Variants in SYNE2 observed in about 807,000 individuals in gnomAD.
The protein encoded by SYNE2 is spectrin repeat containing nuclear envelope protein 2.
In SYNE2, 431 loss-of-function variants were observed where a neutral mutation model predicts 856.3. That is an observed-to-expected ratio of 0.50 (90% CI 0.47 to 0.55). SYNE2 has a LOEUF of 0.55. SYNE2 is among the 20% of genes least tolerant of loss of function. SYNE2 has a pLI of 0.00. For missense variants in SYNE2, 8,129 were observed against 8,023.2 expected (o/e 1.01, Z -0.50); for synonymous variants, 2,923 against 2,872.3 (o/e 1.02, Z -0.56).
intron 1 of SYNE2, among the ~76,000 whole-genome samples, chr14:63,771,170 C>T (rs939291829): frequency 3.3e-5 from 5 of 150,680 alleles, no homozygotes; most frequent in East Asian, 2.0e-4. Context: ...CCCGGGTTCA[C>T]GCCATTCTCC....
chr14:64,104,576 A>C (rs533578225), intron 64 of SYNE2, among the ~76,000 whole-genome samples: 1 of 150,716 alleles, frequency 6.6e-6, no homozygotes, highest in South Asian at 2.1e-4. Flanking sequence ...CAGCCTCCCG[A>C]GCAGCTGGGA....
At position 64,022,740 on chromosome 14, in the gene SYNE2, TC is replaced by T. The variant is rs749813131; in HGVS notation, c.5525-6del. On this transcript the variant is annotated splice_polypyrimidine_tract_variant and intron_variant, in intron 37 of 115. Coordinates refer to ENST00000555002, the MANE Select transcript of SYNE2 (RefSeq NM_182914.3). ...CCTTGAATGAATAGAGCTTTTTTTT[TC>T]CCCCTGCAGATCAATGCAAGAACTT... is the stretch of plus-strand genomic sequence containing the variant. The T allele has an allele frequency of 2.8e-6, 4 of 1,403,710 alleles. No homozygotes were observed. The highest frequency in any genetic ancestry group is 4.0e-6 in the Non-Finnish European group (4 of 992,364). 87.0% of individuals were successfully genotyped at this position (1,403,710 alleles called of 1,614,324 possible).
chr14:63,984,420 C>T (rs759863678), intron 18 of SYNE2, among the ~76,000 whole-genome samples: 10 of 152,148 alleles, frequency 6.6e-5, no homozygotes, highest in Non-Finnish European at 1.3e-4. Context: ...CAGAGCAGTC[C>T]TGATTCTGAG....
intron 99 of SYNE2, among the ~76,000 whole-genome samples, chr14:64,191,602 G>A (rs1220710484): frequency 2.6e-5 from 4 of 152,194 alleles, no homozygotes; most frequent in Non-Finnish European, 4.4e-5. Context: ...ATGGGCTGGG[G>A]CTAAATCTTA....
intron 101 of SYNE2, 163 bp from the exon 102 acceptor site, chr14:64,209,265 C>A: frequency 8.1e-7 from 1 of 1,231,518 alleles, no homozygotes. Flanking sequence ...GCTTGGCGCT[C>A]CCAGGCAGGA....
chr14:63,820,703 T>G (rs1329023892), intron 1 of SYNE2, among the ~76,000 whole-genome samples: 1 of 152,110 alleles, frequency 6.6e-6, no homozygotes, highest in Admixed American at 6.6e-5. Context: ...AGTGCTTGTT[T>G]TGGGATGGAT....
rs2098309922 is a variant in SYNE2, at chr14:64,159,223, T to C, written c.15964-89T>C. Reference sequence around the variant, plus strand: ...AGCTGTAAGATTTGAGTGTTATTGCTACATAGTAGCAAGTGTTGAGAAGCT... The same window carrying C: ...AGCTGTAAGATTTGAGTGTTATTGCCACATAGTAGCAAGTGTTGAGAAGCT... On this transcript the variant is annotated intron_variant, in intron 86 of 115. Coordinates refer to ENST00000555002, the MANE Select transcript of SYNE2 (RefSeq NM_182914.3). 1.8e-5 allele frequency: 28 copies of C among 1,542,346 alleles called. No individual in the cohort carries two copies. The East Asian group carries it at 6.3e-4, about 35-fold the overall frequency.
At chr14:64,107,742 G>A in intron 65 of SYNE2, 135 bp downstream of exon 65, 1 of 791,888 alleles carries the variant, frequency 1.3e-6, no homozygotes, top group South Asian at 1.4e-5. Context: ...ATGAAGATAT[G>A]TGCTGTCAAG....
At chr14:64,046,944 T>C (rs1056995107) in intron 45 of SYNE2, among the ~76,000 whole-genome samples, 3 of 152,248 alleles carry the variant, frequency 2.0e-5, no homozygotes, top group African/African-American at 4.8e-5. Flanking sequence ...CCTTTAGTTC[T>C]GCTGTCTGCA....
intron 60 of SYNE2, 48 bp from the exon 61 acceptor site, chr14:64,093,301 C>G: frequency 6.2e-7 from 1 of 1,607,154 alleles, no homozygotes. Flanking sequence ...GTCCATTAAT[C>G]TGCTTAGATT....
intron 100 of SYNE2, among the ~76,000 whole-genome samples, chr14:64,206,617 C>T (rs2098606647): frequency 6.7e-6 from 1 of 148,934 alleles, no homozygotes; most frequent in African/African-American, 2.5e-5. Context: ...TTGTAGAGTT[C>T]ATTTCTTACG....
At chr14:64,217,515 GTCC>G (rs2098672116) in intron 108 of SYNE2, among the ~76,000 whole-genome samples, 1 of 152,192 alleles carries the variant, frequency 6.6e-6, no homozygotes. Flanking sequence ...GGCTGTTTGT[GTCC>G]AATTCAGAAA....
intron 51 of SYNE2, among the ~76,000 whole-genome samples, chr14:64,066,790 G>T (rs12434427): frequency 0.03 from 4,500 of 152,194 alleles, 102 homozygotes; most frequent in Admixed American, 0.064. Context: ...CTGAATCTTT[G>T]CATTGTCCCT....
At chr14:63,838,050 G>A (rs986103876) in intron 1 of SYNE2, among the ~76,000 whole-genome samples, 5 of 150,130 alleles carry the variant, frequency 3.3e-5, no homozygotes, top group African/African-American at 4.9e-5. Context: ...TGCAAATCAA[G>A]ATGACAATGA....
intron 49 of SYNE2, among the ~76,000 whole-genome samples, chr14:64,057,808 C>A (rs947568731): frequency 1.3e-5 from 2 of 152,170 alleles, no homozygotes; most frequent in African/African-American, 4.8e-5. Flanking sequence ...TGGCTAAAAG[C>A]CATTTTAACT....
chr14:63,974,870 G>GTC (rs1566949447), intron 11 of SYNE2, among the ~76,000 whole-genome samples: 7 of 32,712 alleles, frequency 2.1e-4, no homozygotes, highest in African/African-American at 8.1e-4. Context: ...GTGTGTGTGT[G>GTC]TGTGTGTGTG....
chr14:63,768,725 A>G (rs1267922196), intron 1 of SYNE2, among the ~76,000 whole-genome samples: 1 of 152,178 alleles, frequency 6.6e-6, no homozygotes, highest in Non-Finnish European at 1.5e-5. Flanking sequence ...GGATAAAACA[A>G]ACAAACAAAC....
chr14:64,149,110 C>T (rs951829352), intron 84 of SYNE2, among the ~76,000 whole-genome samples: 17 of 150,768 alleles, frequency 1.1e-4, no homozygotes, highest in African/African-American at 3.7e-4. Flanking sequence ...GAGTTCAAAA[C>T]CAGCCAGGGC....
At chr14:64,106,654 A>G (rs759188446) in intron 64 of SYNE2, among the ~76,000 whole-genome samples, 1 of 152,238 alleles carries the variant, frequency 6.6e-6, no homozygotes, top group Non-Finnish European at 1.5e-5. Flanking sequence ...GTCTCAAAAA[A>G]AAATATTAAC....
Sources: allele counts gnomAD v4.1 joint callset (sites outside exome capture counted in the v4.1 genomes callset), GRCh38; gene constraint gnomAD v4.1.1; transcripts MANE v1.5; gene names NCBI Gene and HGNC (gene_info 2026-07-23, HGNC 2026-07-21).